The following A1CF variants were observed in gnomAD, a reference collection of about 807,000 sequenced individuals.
A1CF encodes APOBEC-1 stimulating protein.
A1CF carries 48 observed loss-of-function variants against 68.9 expected under a neutral mutation model. The ratio of observed to expected loss-of-function variants is 0.70; its 90% CI spans 0.55 to 0.89. A1CF has a LOEUF of 0.89. A1CF is among the 40% of genes least tolerant of loss of function. The pLI is 0.00. For missense variants in A1CF, 653 were observed against 718.9 expected (o/e 0.91, Z 1.05); for synonymous variants, 272 against 260.4 (o/e 1.04, Z -0.43).
At position 50,877,245 on chromosome 10, in the gene A1CF, T is replaced by C. The variant is rs541018819; in HGVS notation, c.-94+8336A>G. On this transcript the variant is annotated intron_variant, in intron 1 of 12. Transcript: ENST00000373997. ...AGCTTAAAAGCAGTTGATTATTCAA[T>C]AGTCCTGGTACCAATTATTTGCGTG... 1.2e-4 allele frequency among the ~76,000 whole-genome samples: 18 copies of C among 152,330 alleles called. 1 individual carries two copies. In the South Asian group the frequency reaches 2.9e-3, roughly 25 times the overall value.
At chr10:50,869,543 A>G (rs1841153262) in intron 1 of A1CF, among the ~76,000 whole-genome samples, 1 of 152,106 alleles carries the variant, frequency 6.6e-6, no homozygotes, top group Admixed American at 6.6e-5. Flanking sequence ...TAAGGTCCTA[A>G]GACTGTTCAT....
At chr10:50,810,338 C>G (rs7089428) in intron 11 of A1CF, among the ~76,000 whole-genome samples, 63,311 of 152,026 alleles carry the variant, frequency 0.42, 14,892 homozygotes, top group Admixed American at 0.57. Flanking sequence ...AATGCAGGCT[C>G]AAGGTAAAAT....
chr10:50,816,899 A>G (rs1838400263), intron 8 of A1CF, among the ~76,000 whole-genome samples: 2 of 152,200 alleles, frequency 1.3e-5, no homozygotes, highest in Non-Finnish European at 2.9e-5. Flanking sequence ...ATTGCCTGCC[A>G]CAGGTTCTTC....
At chr10:50,852,066 G>T (rs905507216) in intron 3 of A1CF, among the ~76,000 whole-genome samples, 1 of 152,150 alleles carries the variant, frequency 6.6e-6, no homozygotes, top group African/African-American at 2.4e-5. Flanking sequence ...GTCAGCGTGC[G>T]CAGTCCAAAG....
At chr10:50,875,311 T>C (rs1171577234) in intron 1 of A1CF, among the ~76,000 whole-genome samples, 4 of 152,206 alleles carry the variant, frequency 2.6e-5, no homozygotes, top group Non-Finnish European at 4.4e-5. Flanking sequence ...TACTAAATTC[T>C]GGCTCAAATG....
At chr10:50,866,264 A>G (rs1455936752) in intron 1 of A1CF, among the ~76,000 whole-genome samples, 1 of 152,230 alleles carries the variant, frequency 6.6e-6, no homozygotes, top group Admixed American at 6.5e-5. Context: ...ATTAAAATAT[A>G]AAGTTGATAT....
intron 3 of A1CF, among the ~76,000 whole-genome samples, chr10:50,856,541 G>A (rs1239159003): frequency 6.6e-6 from 1 of 152,040 alleles, no homozygotes; most frequent in Non-Finnish European, 1.5e-5. Flanking sequence ...CATGCTCTAG[G>A]ATGCTGATCT....
intron 1 of A1CF, among the ~76,000 whole-genome samples, chr10:50,880,959 C>A (rs1265144085): frequency 1.3e-5 from 2 of 150,684 alleles, no homozygotes; most frequent in African/African-American, 4.9e-5. Flanking sequence ...CCACATGGAC[C>A]TTTATGTCCT....
At chr10:50,848,715 T>G in intron 3 of A1CF, among the ~76,000 whole-genome samples, 1 of 152,236 alleles carries the variant, frequency 6.6e-6, no homozygotes, top group East Asian at 1.9e-4. Flanking sequence ...AAACTGTGTA[T>G]TTTTCATAAC....
intron 3 of A1CF, among the ~76,000 whole-genome samples, chr10:50,845,492 A>G (rs991394429): frequency 2.6e-5 from 4 of 152,222 alleles, no homozygotes; most frequent in African/African-American, 9.6e-5. Flanking sequence ...TCCCATTTAC[A>G]TAAGGTATCA....
At chr10:50,860,328 T>C (rs959762315) in intron 2 of A1CF, among the ~76,000 whole-genome samples, 4 of 152,204 alleles carry the variant, frequency 2.6e-5, no homozygotes, top group African/African-American at 4.8e-5. Flanking sequence ...GAATGTTCCT[T>C]ACAGACGTGA....
rs1837767772 is a variant in A1CF, at chr10:50,805,261, A to C, written c.*1468T>G. 6.6e-6 allele frequency: 1 copy of C among 152,182 alleles called. No homozygotes were observed. The highest frequency in any genetic ancestry group is 1.5e-5 in the Non-Finnish European group (1 of 68,028). 9.4% of individuals were successfully genotyped at this position (152,182 alleles called of 1,614,324 possible). On this transcript the variant is annotated 3_prime_UTR_variant, in exon 13 of 13. Coordinates refer to ENST00000373997, the MANE Select transcript of A1CF (RefSeq NM_014576.4). ...TGTAAATTTTTTTAAGGGCCAAGGGATTTTAAAAAATGAAAATTCTAGTAC... is the reference window on the plus strand; with the variant it reads ...TGTAAATTTTTTTAAGGGCCAAGGGCTTTTAAAAAATGAAAATTCTAGTAC...
At position 50,806,858 on chromosome 10, in the gene A1CF, A is replaced by C; in HGVS notation, c.1632T>G (p.Thr544=). ...AFPGYAVPNA[T]APVSAAQLKQ... ...TGAGCTGGGCTGCAGACACGGGTGCAGTTGCATTAGGGACAGCATATCCTG... is the reference window on the plus strand; with the variant it reads ...TGAGCTGGGCTGCAGACACGGGTGCCGTTGCATTAGGGACAGCATATCCTG... The change falls in exon 13 of 13, where the codon ACT becomes ACG. Residue 544 remains threonine, a synonymous_variant. Transcript: ENST00000373997. The C allele has an allele frequency of 6.2e-7, 1 of 1,612,404 alleles. No homozygotes were observed. The highest frequency in any genetic ancestry group is 1.7e-5 in the Admixed American group (1 of 59,562).
Position 50,805,199 on chromosome 10 carries a change from T to G in A1CF, c.*1530A>C, listed in dbSNP as rs966817570. 3.9e-5 allele frequency: 6 copies of G among 152,200 alleles called. No individual in the cohort carries two copies. Among genetic ancestry groups the G allele is most frequent in the African/African-American group, 1.4e-4 (6 of 41,466 alleles). The allele number at this position is 152,200 out of a possible 1,614,324, so 9.4% of individuals were successfully genotyped here. A position where few individuals can be genotyped will look rare whatever the true frequency, so the allele number is the denominator to read the frequency against. On this transcript the variant is annotated 3_prime_UTR_variant, in exon 13 of 13. Transcript: ENST00000373997. ...AATTCCATTAAGGAGTTGACAAAAT[T>G]TTCCATGTCTTTGTGTTTATGTTTT... is the stretch of plus-strand genomic sequence containing the variant.
intron 8 of A1CF, among the ~76,000 whole-genome samples, chr10:50,818,663 A>G (rs531640175): frequency 8.5e-5 from 13 of 152,330 alleles, no homozygotes; most frequent in African/African-American, 2.9e-4. Flanking sequence ...GTGATCATCA[A>G]TGAAGATGAA....
chr10:50,853,592 AG>A (rs1840344410), intron 3 of A1CF, among the ~76,000 whole-genome samples: 1 of 152,090 alleles, frequency 6.6e-6, no homozygotes, highest in Admixed American at 6.6e-5. Context: ...TGAACGAGTG[AG>A]GGCCCAGTGC....
Position 50,808,746 on chromosome 10 carries a change from T to C in A1CF, c.1609+1148A>G, listed in dbSNP as rs1339599912. 2.6e-5 allele frequency among the ~76,000 whole-genome samples: 4 copies of C among 152,044 alleles called. 1 individual carries two copies. Among genetic ancestry groups the C allele is most frequent in the Non-Finnish European group, 5.9e-5 (4 of 68,024 alleles). On this transcript the variant is annotated intron_variant, in intron 12 of 12. Coordinates refer to ENST00000373997, the MANE Select transcript of A1CF (RefSeq NM_014576.4). ...GAAACATCATTAATGTTAGCCCCACTGGCCAGAATGGAGGATATATTCAAA... is the reference window on the plus strand; with the variant it reads ...GAAACATCATTAATGTTAGCCCCACCGGCCAGAATGGAGGATATATTCAAA...
chr10:50,843,406 A>AT (rs1325741824), intron 4 of A1CF, among the ~76,000 whole-genome samples: 1 of 152,174 alleles, frequency 6.6e-6, no homozygotes, highest in Non-Finnish European at 1.5e-5. Context: ...TATTTACTAA[A>AT]TTTTTCAGGA....
intron 10 of A1CF, among the ~76,000 whole-genome samples, chr10:50,811,616 G>A (rs1487997983): frequency 1.3e-5 from 2 of 152,106 alleles, no homozygotes; most frequent in African/African-American, 4.8e-5. Flanking sequence ...ATTTGTCATA[G>A]GGTTTTAATC....
Sources: allele counts gnomAD v4.1 joint callset (sites outside exome capture counted in the v4.1 genomes callset), GRCh38; gene constraint gnomAD v4.1.1; transcripts MANE v1.5; gene names NCBI Gene and HGNC (gene_info 2026-07-23, HGNC 2026-07-21).